The following MAN1A1 variants were observed in gnomAD, a reference collection of about 807,000 sequenced individuals.
MAN1A1 encodes the protein mannosyl-oligosaccharide 1,2-alpha-mannosidase IA.
Under a neutral mutation model 70.8 loss-of-function variants are expected in MAN1A1, and 29 were observed. The observed-to-expected ratio is 0.41, with a 90% CI of 0.31 to 0.56. The LOEUF is 0.56. MAN1A1 is among the 20% of genes least tolerant of loss of function. The pLI is 0.29. For synonymous variants in MAN1A1, 349 were observed against 330.1 expected, an observed-to-expected ratio of 1.06 and a Z score of -0.62; for missense variants, 747 against 841.3, an observed-to-expected ratio of 0.89 and a Z score of 1.39.
rs111411799 is a variant in MAN1A1 at position 119,208,116 on chromosome 6, T to C, written c.993-3234A>G. 9.8e-5 allele frequency among the ~76,000 whole-genome samples: 15 copies of C among 152,286 alleles called. 1 individual carries two copies. The highest frequency in any genetic ancestry group is 3.6e-4 in the African/African-American group (15 of 41,552). ...ACCAATCTTGTTACAATGACTACAT[T>C]TCAAGCCAAGACGACAAGTTGGCCA... On this transcript the variant is annotated intron_variant, in intron 6 of 12. Transcript: ENST00000368468.
chr6:119,277,936 C>CAAAAAA (rs58837799), intron 5 of MAN1A1, among the ~76,000 whole-genome samples: 8 of 23,148 alleles, frequency 3.5e-4, no homozygotes, highest in Non-Finnish European at 4.4e-4. Flanking sequence ...GACTCCATCT[C>CAAAAAA]AAAAAAAAAA....
At chr6:119,221,327 C>G (rs1009575361) in intron 6 of MAN1A1, among the ~76,000 whole-genome samples, 5 of 152,208 alleles carry the variant, frequency 3.3e-5, no homozygotes, top group African/African-American at 1.2e-4. Flanking sequence ...ACCACTGTTA[C>G]TTGTTTCTTC....
At chr6:119,258,468 T>C (rs978881905) in intron 5 of MAN1A1, among the ~76,000 whole-genome samples, 2 of 152,178 alleles carry the variant, frequency 1.3e-5, no homozygotes, top group Non-Finnish European at 2.9e-5. Context: ...TATTAGGTAT[T>C]ATAAGTAATC....
chr6:119,202,523 A>C (rs933796084), intron 7 of MAN1A1, among the ~76,000 whole-genome samples: 3 of 152,242 alleles, frequency 2.0e-5, no homozygotes, highest in African/African-American at 7.2e-5. Context: ...AGTAGTACAT[A>C]AATCAGTAAT....
intron 6 of MAN1A1, among the ~76,000 whole-genome samples, chr6:119,228,908 A>G (rs1414479480): frequency 6.6e-6 from 1 of 152,142 alleles, no homozygotes; most frequent in Non-Finnish European, 1.5e-5. Context: ...TTGGCCTCCC[A>G]GCGTTCAATT....
intron 6 of MAN1A1, among the ~76,000 whole-genome samples, chr6:119,241,233 A>C (rs559214541): frequency 9.8e-5 from 15 of 152,338 alleles, no homozygotes; most frequent in African/African-American, 3.6e-4. Context: ...TTTCCAGAAG[A>C]AGCAACAAAC....
At chr6:119,285,608 CTT>C (rs35665082) in intron 5 of MAN1A1, among the ~76,000 whole-genome samples, 103 of 144,628 alleles carry the variant, frequency 7.1e-4, no homozygotes, top group African/African-American at 1.7e-3. Context: ...GTTTTCAATT[CTT>C]TTTTTTTTTT....
intron 5 of MAN1A1, among the ~76,000 whole-genome samples, chr6:119,284,655 ACT>A (rs2114405290): frequency 6.6e-6 from 1 of 151,912 alleles, no homozygotes; most frequent in Non-Finnish European, 1.5e-5. Flanking sequence ...TTTAAGTATA[ACT>A]CTGGCTGCTT....
At chr6:119,254,457 A>G (rs1250507740) in intron 5 of MAN1A1, among the ~76,000 whole-genome samples, 1 of 152,194 alleles carries the variant, frequency 6.6e-6, no homozygotes, top group Admixed American at 6.5e-5. Context: ...CTAAAATGTG[A>G]CTGGGAAAAA....
intron 5 of MAN1A1, among the ~76,000 whole-genome samples, chr6:119,278,323 T>A (rs1334307355): frequency 1.3e-5 from 2 of 152,254 alleles, no homozygotes; most frequent in African/African-American, 2.4e-5. Flanking sequence ...TCATTTTGTT[T>A]ACATTTCTAC....
Position 119,312,971 on chromosome 6 carries a change from C to T in MAN1A1, c.604-5979G>A, listed in dbSNP as rs186679476. On this transcript the variant is annotated intron_variant, in intron 2 of 12. Transcript: ENST00000368468. ...TGTGACAGGGCACCTGACTAGAAGA[C>T]ACTCAATGAGCCTGGCTGACCTTTA... Among the ~76,000 whole-genome samples, 27 of 152,282 alleles carry T rather than the reference C, an allele frequency of 1.8e-4. No homozygotes were observed. The East Asian group carries it at 5.0e-3, about 28-fold the overall frequency.
intron 2 of MAN1A1, among the ~76,000 whole-genome samples, chr6:119,326,318 C>T (rs759795555): frequency 2.0e-5 from 3 of 152,198 alleles, no homozygotes; most frequent in Non-Finnish European, 4.4e-5. Context: ...ACGGAAAAGA[C>T]GGACAGCTCT....
chr6:119,344,491 A>T (rs1773677393), intron 2 of MAN1A1, among the ~76,000 whole-genome samples: 1 of 152,250 alleles, frequency 6.6e-6, no homozygotes, highest in Non-Finnish European at 1.5e-5. Flanking sequence ...TGGGTGGAGC[A>T]ATCCCACACT....
At chr6:119,227,672 T>G (rs562232781) in intron 6 of MAN1A1, among the ~76,000 whole-genome samples, 1 of 152,156 alleles carries the variant, frequency 6.6e-6, no homozygotes, top group Non-Finnish European at 1.5e-5. Context: ...TGTCACTACA[T>G]AGCCCAGGAT....
At chr6:119,218,559 T>TA (rs928685895) in intron 6 of MAN1A1, among the ~76,000 whole-genome samples, 330 of 145,180 alleles carry the variant, frequency 2.3e-3, no homozygotes, top group African/African-American at 2.8e-3. Context: ...ATAACATCGA[T>TA]AAAAAAAAAA....
At chr6:119,207,250 C>A (rs191504660) in intron 6 of MAN1A1, among the ~76,000 whole-genome samples, 3 of 152,040 alleles carry the variant, frequency 2.0e-5, no homozygotes, top group African/African-American at 7.2e-5. Flanking sequence ...CACCACCCCC[C>A]CAACCCCCAA....
chr6:119,205,070 T>C (rs1562191151), intron 6 of MAN1A1, among the ~76,000 whole-genome samples, 188 bp from the exon 7 acceptor site: 2 of 152,234 alleles, frequency 1.3e-5, no homozygotes, highest in South Asian at 2.1e-4. Context: ...TATCTCCAAA[T>C]TGAAAATTAC....
intron 5 of MAN1A1, among the ~76,000 whole-genome samples, chr6:119,273,555 T>C (rs1264255049): frequency 6.6e-6 from 1 of 152,204 alleles, no homozygotes; most frequent in Non-Finnish European, 1.5e-5. Flanking sequence ...ATATAAAATA[T>C]TTCCAAGACC....
intron 2 of MAN1A1, among the ~76,000 whole-genome samples, chr6:119,312,842 T>TA (rs1371478659): frequency 1.3e-5 from 2 of 152,220 alleles, no homozygotes; most frequent in Non-Finnish European, 2.9e-5. Context: ...GGGAACTCTC[T>TA]ATACTTTCTG....
Sources: allele counts gnomAD v4.1 joint callset (sites outside exome capture counted in the v4.1 genomes callset), GRCh38; gene constraint gnomAD v4.1.1; transcripts MANE v1.5; gene names NCBI Gene and HGNC (gene_info 2026-07-23, HGNC 2026-07-21).